The following ITIH5 variants were observed in gnomAD, a reference collection of about 807,000 sequenced individuals.
The protein encoded by ITIH5 is inter-alpha-trypsin inhibitor heavy chain 5.
A neutral mutation model predicts 77.5 loss-of-function variants in ITIH5; 65 were observed. The ratio of observed to expected loss-of-function variants is 0.84; its 90% confidence interval spans 0.69 to 1.03. The LOEUF (loss-of-function observed/expected upper bound fraction) is 1.03, where lower values mean the gene tolerates loss of function less well. Among genes scored for constraint, ITIH5 ranks in the 50% least tolerant of loss-of-function variants. The pLI is 0.00. For missense variants in ITIH5, 1,208 were observed against 1,213.1 expected (o/e 1.00, Z 0.06); for synonymous variants, 525 against 494.3 (o/e 1.06, Z -0.82).
intron 2 of ITIH5, among the ~76,000 whole-genome samples, chr10:7,655,126 T>C (rs890666672): frequency 5.3e-5 from 8 of 152,166 alleles, no homozygotes; most frequent in African/African-American, 1.9e-4. Context: ...ATTTTGATAT[T>C]TCACTCCATG....
intron 7 of ITIH5, among the ~76,000 whole-genome samples, chr10:7,599,844 G>A (rs1345899487): frequency 6.6e-6 from 1 of 152,188 alleles, no homozygotes; most frequent in Non-Finnish European, 1.5e-5. Flanking sequence ...CCCTCCACCA[G>A]GCAGGGAGAG....
chr10:7,617,118 T>A lies in ITIH5; in HGVS notation c.817A>T (p.Ile273Phe), dbSNP rs1340382699. 2 of 1,540,126 alleles carry A rather than the reference T, an allele frequency of 1.3e-6. No homozygotes were observed. Residue 273 changes from isoleucine to phenylalanine, a missense_variant, in exon 6 of 14, where the codon ATC becomes TTC. Physicochemically the swap from Ile to Phe is conservative, Grantham distance 21. Transcript: ENST00000397146. Reference protein sequence around the residue: ...DVNREQSIGDIQVLNGYFVHY... With the variant: ...DVNREQSIGDFQVLNGYFVHY... ...AGCAACGACGATCCTATTACCTGGA[T>A]GTCCCCAATGCTCTGTTCTCTATTG...
At chr10:7,597,917 T>A (rs1588387715) in intron 7 of ITIH5, among the ~76,000 whole-genome samples, 2 of 148,784 alleles carry the variant, frequency 1.3e-5, no homozygotes, top group South Asian at 2.1e-4. Flanking sequence ...TTTTTTTTTT[T>A]AATCCCCAGT....
At chr10:7,647,093 G>A (rs1028694723) in intron 2 of ITIH5, among the ~76,000 whole-genome samples, 10 of 152,176 alleles carry the variant, frequency 6.6e-5, no homozygotes, top group Non-Finnish European at 1.0e-4. Flanking sequence ...TTTTATGGAT[G>A]CATTAAATTT....
intron 7 of ITIH5, among the ~76,000 whole-genome samples, chr10:7,611,654 T>C (rs1200673853): frequency 6.6e-6 from 1 of 152,184 alleles, no homozygotes; most frequent in African/African-American, 2.4e-5. Context: ...CCTTTGCTCA[T>C]TTTCTTATAT....
At chr10:7,650,496 G>T (rs192080096) in intron 2 of ITIH5, among the ~76,000 whole-genome samples, 1 of 152,096 alleles carries the variant, frequency 6.6e-6, no homozygotes, top group Non-Finnish European at 1.5e-5. Context: ...AGCACTTTGG[G>T]GGTCAAAGCT....
chr10:7,657,042 T>A (rs1232637488), intron 1 of ITIH5, among the ~76,000 whole-genome samples: 6 of 61,808 alleles, frequency 9.7e-5, no homozygotes, highest in African/African-American at 5.3e-4. Context: ...GCGTTCGGCC[T>A]TTTTTTTTTT....
rs758378979 is a variant in ITIH5, at chr10:7,566,724, TAA to T, written c.2150-319_2150-318del. 0.022 allele frequency among the ~76,000 whole-genome samples: 202 copies of T among 9,146 alleles called. 33 individuals are homozygous for T. The Middle Eastern group carries it at 0.35, about 16-fold the overall frequency. 6.0% of individuals were successfully genotyped at this position (9,146 alleles called of 152,430 possible). A position where few individuals can be genotyped will look rare whatever the true frequency, so the allele number is the denominator to read the frequency against. ...GCTACAGAGTGAGATCCTATCTCATTAAAAAAAAAAAAAAAAAGAAGAAGAAG... is the reference window on the plus strand; with the variant it reads ...GCTACAGAGTGAGATCCTATCTCATTAAAAAAAAAAAAAAAGAAGAAGAAG... On this transcript the variant is annotated intron_variant, in intron 12 of 13. Transcript: ENST00000397146.
intron 1 of ITIH5, among the ~76,000 whole-genome samples, chr10:7,666,482 T>A (rs971021888): frequency 1.3e-5 from 2 of 152,128 alleles, no homozygotes; most frequent in African/African-American, 4.8e-5. Context: ...GAAAAAACCT[T>A]GTAATTATAA....
In ITIH5 at chr10:7,617,202, GTAC is replaced by G. The variant is rs1325043517; in HGVS notation, c.730_732del (p.Val244del). The G allele has an allele frequency of 6.2e-7, 1 of 1,605,672 alleles. No homozygotes were observed. The highest frequency in any genetic ancestry group is 1.7e-5 in the Admixed American group (1 of 58,788). On this transcript the variant is annotated inframe_deletion, in exon 6 of 14. Transcript: ENST00000397146. ...CCATTCTGGGCAATCCTGGCTTGTT[GTAC>G]TACAGTAGGTTTAAAAATTATGTTG... is the stretch of plus-strand genomic sequence containing the variant.
chr10:7,599,047 A>T (rs1043152863), intron 7 of ITIH5, among the ~76,000 whole-genome samples: 1 of 152,208 alleles, frequency 6.6e-6, no homozygotes, highest in Non-Finnish European at 1.5e-5. Flanking sequence ...TAATCATGTC[A>T]TTGTACGTTT....
intron 5 of ITIH5, chr10:7,620,596 C>G (rs1833459212): frequency 6.6e-6 from 1 of 151,670 alleles, no homozygotes. Flanking sequence ...ATGTACACCC[C>G]AGTTATTAAC....
At chr10:7,644,229 C>A (rs1247634778) in intron 2 of ITIH5, among the ~76,000 whole-genome samples, 1 of 146,624 alleles carries the variant, frequency 6.8e-6, no homozygotes, top group Non-Finnish European at 1.5e-5. Flanking sequence ...CAGAGCAAGA[C>A]CCTGTCACAG....
chr10:7,648,688 T>C (rs1005888305), intron 2 of ITIH5, among the ~76,000 whole-genome samples: 7 of 152,238 alleles, frequency 4.6e-5, no homozygotes, highest in Non-Finnish European at 8.8e-5. Flanking sequence ...TCACTTAGTA[T>C]GCTTGAGAAT....
chr10:7,637,091 C>T (rs1440248664), intron 5 of ITIH5, 137 bp downstream of exon 5: 2 of 1,085,620 alleles, frequency 1.8e-6, no homozygotes, highest in Admixed American at 4.6e-5. Flanking sequence ...AGCTTCATTG[C>T]TATCATTCCA....
chr10:7,603,805 G>T (rs190492158), intron 7 of ITIH5, among the ~76,000 whole-genome samples: 1 of 152,080 alleles, frequency 6.6e-6, no homozygotes, highest in Non-Finnish European at 1.5e-5. Context: ...GGATGGTCCC[G>T]ATCTCCTGAC....
chr10:7,613,245 C>CA (rs58021308), intron 7 of ITIH5, among the ~76,000 whole-genome samples: 2,097 of 143,120 alleles, frequency 0.015, 92 homozygotes, highest in African/African-American at 0.055. Flanking sequence ...GACTTCGTCT[C>CA]AAAAAAAAAA....
intron 9 of ITIH5, among the ~76,000 whole-genome samples, chr10:7,579,155 G>A (rs1361449838): frequency 2.0e-5 from 3 of 152,202 alleles, no homozygotes; most frequent in East Asian, 3.8e-4. Flanking sequence ...TTTATATAGC[G>A]ATTTTCTCAT....
intron 7 of ITIH5, among the ~76,000 whole-genome samples, chr10:7,589,619 G>T (rs1035633863): frequency 1.3e-5 from 2 of 151,718 alleles, no homozygotes; most frequent in South Asian, 4.2e-4. Flanking sequence ...CCCAGGGCTC[G>T]GAGACCTCCA....
Sources: allele counts gnomAD v4.1 joint callset (sites outside exome capture counted in the v4.1 genomes callset), GRCh38; gene constraint gnomAD v4.1.1; transcripts MANE v1.5; gene names NCBI Gene and HGNC (gene_info 2026-07-23, HGNC 2026-07-21).